The following ABHD17B variants were observed in gnomAD, a reference collection of about 807,000 sequenced individuals.
ABHD17B encodes abhydrolase domain containing 17B, depalmitoylase.
Under a neutral mutation model 26.2 loss-of-function variants are expected in ABHD17B, and 9 were observed. The observed-to-expected ratio is 0.34, with a 90% CI of 0.21 to 0.60. The LOEUF (loss-of-function observed/expected upper bound fraction) is 0.60, where lower values mean the gene tolerates loss of function less well. Among genes scored for constraint, ABHD17B ranks in the 20% least tolerant of loss-of-function variants. The pLI is 0.80. For synonymous variants in ABHD17B, 127 were observed against 122.3 expected (o/e 1.04, Z -0.25); for missense variants, 224 against 352.1 (o/e 0.64, Z 2.91).
intron 3 of ABHD17B, among the ~76,000 whole-genome samples, chr9:71,868,101 C>T (rs1029304762): frequency 6.6e-6 from 1 of 151,068 alleles, no homozygotes; most frequent in Non-Finnish European, 1.5e-5. Context: ...TGCCTGTAAT[C>T]CCAGCTACTC....
intron 1 of ABHD17B, among the ~76,000 whole-genome samples, chr9:71,890,171 T>A (rs2132176583): frequency 6.6e-6 from 1 of 152,122 alleles, no homozygotes; most frequent in Middle Eastern, 3.4e-3. Context: ...ATGTCTGCAA[T>A]CCCAGCTAGT....
At chr9:71,887,799 G>A (rs1826657828) in intron 1 of ABHD17B, among the ~76,000 whole-genome samples, 3 of 152,126 alleles carry the variant, frequency 2.0e-5, no homozygotes, top group Admixed American at 1.3e-4. Flanking sequence ...GTTGAACATT[G>A]ATAAAACACA....
chr9:71,883,109 C>A (rs1826499265), intron 1 of ABHD17B, among the ~76,000 whole-genome samples: 1 of 152,188 alleles, frequency 6.6e-6, no homozygotes. Flanking sequence ...CGCCATTGCA[C>A]TCCAGCCTGG....
intron 3 of ABHD17B, 43 bp downstream of exon 3, chr9:71,870,040 C>T (rs1826066387): frequency 6.5e-7 from 1 of 1,538,040 alleles, no homozygotes; most frequent in Non-Finnish European, 8.8e-7. Context: ...GAAAAAATTC[C>T]CAAGTTTCTT....
intron 1 of ABHD17B, among the ~76,000 whole-genome samples, chr9:71,885,501 A>G (rs1325806831): frequency 6.6e-6 from 1 of 151,542 alleles, no homozygotes; most frequent in Admixed American, 6.6e-5. Context: ...TGTTAAACAG[A>G]TGGCCCATTG....
At chr9:71,896,791 G>T (rs1826971557) in intron 1 of ABHD17B, among the ~76,000 whole-genome samples, 1 of 152,110 alleles carries the variant, frequency 6.6e-6, no homozygotes, top group Non-Finnish European at 1.5e-5. Context: ...GGGAAAATGG[G>T]ATAAATGGAC....
intron 1 of ABHD17B, 144 bp from the exon 2 acceptor site, chr9:71,875,227 C>CTT: frequency 1.9e-6 from 1 of 522,832 alleles, no homozygotes. Flanking sequence ...AGATTTTTGG[C>CTT]TTCTTTTTTT....
Position 71,874,682 on chromosome 9 carries a change from A to G in ABHD17B, c.399T>C (p.Ser133=). ...FSYDYSGYGA[S]SGKPTEKNLY... ...GGTTCTTCTCTGTGGGTTTCCCGGA[A>G]CTGGCACCATATCCAGAATAATCAT... Residue 133 remains serine, a synonymous_variant, in exon 2 of 4, where the codon AGT becomes AGC. Transcript: ENST00000333421. 7 of 1,613,926 alleles carry G rather than the reference A, an allele frequency of 4.3e-6. No individual in the cohort carries two copies. Among genetic ancestry groups the G allele is most frequent in the Non-Finnish European group, 5.9e-6 (7 of 1,179,868 alleles).
chr9:71,905,915 T>C (rs1244038214), intron 1 of ABHD17B, among the ~76,000 whole-genome samples: 1 of 152,016 alleles, frequency 6.6e-6, no homozygotes, highest in African/African-American at 2.4e-5. Flanking sequence ...GGTGTGGTGG[T>C]GCATGCCTGT....
In ABHD17B at chr9:71,893,215, C is replaced by A. The variant is rs143807626; in HGVS notation, c.-4+17419G>T. On this transcript the variant is annotated intron_variant, in intron 1 of 3. Coordinates refer to ENST00000333421, the MANE Select transcript of ABHD17B (RefSeq NM_001025780.3). ...AGAGATTTCCCCCAATGCAAGCAAT[C>A]GCTTCTGCAGTGGACACCAGGTGGG... 1.4e-3 allele frequency among the ~76,000 whole-genome samples: 213 copies of A among 152,296 alleles called. 1 individual carries two copies. The highest frequency in any genetic ancestry group is 5.0e-3 in the African/African-American group (208 of 41,560).
At chr9:71,888,255 G>A (rs929798183) in intron 1 of ABHD17B, among the ~76,000 whole-genome samples, 1 of 152,130 alleles carries the variant, frequency 6.6e-6, no homozygotes, top group Admixed American at 6.5e-5. Context: ...ATTAGCTCAG[G>A]GCTTTTAAAA....
downstream of ABHD17B, chr9:71,862,680 CTG>C (rs1825858539): frequency 8.6e-6 from 6 of 695,394 alleles, no homozygotes; most frequent in Admixed American, 1.6e-4. Flanking sequence ...CTTTCCATAA[CTG>C]TTTATGAAAA....
chr9:71,875,092 G>A lies in ABHD17B; in HGVS notation c.-3-9C>T. The A allele has an allele frequency of 6.3e-7, 1 of 1,586,800 alleles. No individual in the cohort carries two copies. The highest frequency in any genetic ancestry group is 2.3e-5 in the East Asian group (1 of 44,438). ...GAAAGATTATTCATGCTCTGAAAAA[G>A]AAAAGGAGATAGCAAATATTTTAAT... On this transcript the variant is annotated splice_polypyrimidine_tract_variant and intron_variant, in intron 1 of 3. Transcript: ENST00000333421.
At chr9:71,894,087 CAAAAAAAAAAAAAAAAAAA>C (rs1180729763) in intron 1 of ABHD17B, among the ~76,000 whole-genome samples, 11 of 52,306 alleles carry the variant, frequency 2.1e-4, no homozygotes, top group Non-Finnish European at 3.1e-4. Flanking sequence ...GACTCTATCT[CAAAAAAAAAAAAAAAAAAA>C]AAAAAAAAAA....
At chr9:71,888,327 C>A (rs1826672557) in intron 1 of ABHD17B, among the ~76,000 whole-genome samples, 2 of 152,218 alleles carry the variant, frequency 1.3e-5, no homozygotes, top group African/African-American at 4.8e-5. Context: ...TTTTCTCTCC[C>A]TAATCATCAG....
intron 1 of ABHD17B, among the ~76,000 whole-genome samples, chr9:71,908,392 CAAA>C (rs371201006): frequency 1.3e-3 from 52 of 39,796 alleles, no homozygotes; most frequent in African/African-American, 4.0e-3. Flanking sequence ...AACTCCGTCT[CAAA>C]AAAAAAAAAA....
At chr9:71,910,107 C>A (rs537766075) in intron 1 of ABHD17B, among the ~76,000 whole-genome samples, 84 of 152,204 alleles carry the variant, frequency 5.5e-4, no homozygotes, top group African/African-American at 2.0e-3. Flanking sequence ...ACAGCCCCAC[C>A]GGAATACACA....
intron 1 of ABHD17B, among the ~76,000 whole-genome samples, chr9:71,875,608 C>A (rs531278883): frequency 6.6e-6 from 1 of 152,202 alleles, no homozygotes; most frequent in African/African-American, 2.4e-5. Context: ...TCCTATATGA[C>A]AGGTTTCAAA....
At chr9:71,902,172 C>T (rs559668948) in intron 1 of ABHD17B, among the ~76,000 whole-genome samples, 19 of 152,162 alleles carry the variant, frequency 1.2e-4, no homozygotes, top group Non-Finnish European at 2.5e-4. Context: ...TTAAGCTGTA[C>T]TTCCTTCCGT....
Sources: allele counts gnomAD v4.1 joint callset (sites outside exome capture counted in the v4.1 genomes callset), GRCh38; gene constraint gnomAD v4.1.1; transcripts MANE v1.5; gene names NCBI Gene and HGNC (gene_info 2026-07-23, HGNC 2026-07-21).